The following ALPL variants were observed in gnomAD, a reference collection of about 807,000 sequenced individuals.
ALPL encodes the protein alkaline phosphatase, tissue-nonspecific isozyme.
Under a neutral mutation model 51.3 loss-of-function variants are expected in ALPL, and 42 were observed. That is an observed-to-expected ratio of 0.82 (90% confidence interval 0.64 to 1.06). The LOEUF (loss-of-function observed/expected upper bound fraction) is 1.06, where lower values mean the gene tolerates loss of function less well. ALPL is among the 50% of genes least tolerant of loss of function. The pLI is 0.00. For synonymous variants in ALPL, 279 were observed against 296.4 expected (o/e 0.94, Z 0.60); for missense variants, 589 against 709.4 (o/e 0.83, Z 1.93).
intron 8 of ALPL, among the ~76,000 whole-genome samples, chr1:21,570,743 G>T (rs1644636101): frequency 6.6e-6 from 1 of 152,220 alleles, no homozygotes; most frequent in Non-Finnish European, 1.5e-5. Flanking sequence ...CAGCTCTACT[G>T]TGTGCATGGC....
intron 8 of ALPL, among the ~76,000 whole-genome samples, chr1:21,572,851 C>A (rs1040920789): frequency 2.0e-5 from 3 of 152,178 alleles, no homozygotes; most frequent in African/African-American, 7.2e-5. Flanking sequence ...GATTCCAAAC[C>A]TTCTGCTGTT....
chr1:21,575,962 C>G, intron 10 of ALPL, 38 bp downstream of exon 10: 1 of 1,611,334 alleles, frequency 6.2e-7, no homozygotes, highest in East Asian at 2.2e-5. Flanking sequence ...CTCCTGGGGT[C>G]TCCTGTCTAC....
chr1:21,563,073 G>T, intron 4 of ALPL, 37 bp from the exon 5 acceptor site: 3 of 1,612,132 alleles, frequency 1.9e-6, no homozygotes, highest in Non-Finnish European at 2.5e-6. Flanking sequence ...TGGGGCGAAG[G>T]CCTGGCCATC....
chr1:21,562,973 G>A (rs1644505336), intron 4 of ALPL, 137 bp from the exon 5 acceptor site: 3 of 1,166,878 alleles, frequency 2.6e-6, no homozygotes, highest in Non-Finnish European at 3.8e-6. Flanking sequence ...GGGCTTCAGT[G>A]GGCAGTGGGC....
chr1:21,517,333 A>G (rs886091216), intron 1 of ALPL, among the ~76,000 whole-genome samples: 2 of 152,194 alleles, frequency 1.3e-5, no homozygotes, highest in African/African-American at 4.8e-5. Context: ...GCTCAGAGAG[A>G]TTGAGTAATG....
At chr1:21,530,928 G>A (rs1644020202) in intron 1 of ALPL, among the ~76,000 whole-genome samples, 1 of 149,940 alleles carries the variant, frequency 6.7e-6, no homozygotes, top group Non-Finnish European at 1.5e-5. Context: ...CCACAGGCGT[G>A]CACCACCACA....
At chr1:21,550,664 C>T (rs938448467) in intron 1 of ALPL, among the ~76,000 whole-genome samples, 2 of 152,112 alleles carry the variant, frequency 1.3e-5, no homozygotes, top group Non-Finnish European at 2.9e-5. Context: ...AATCATAAAC[C>T]GAACCGCACC....
intron 8 of ALPL, among the ~76,000 whole-genome samples, chr1:21,571,276 G>A (rs1397375179): frequency 2.0e-5 from 3 of 152,236 alleles, no homozygotes; most frequent in Non-Finnish European, 2.9e-5. Context: ...ATAAAATGGA[G>A]ATAGTGATGG....
chr1:21,556,148 G>T (rs185013682), intron 2 of ALPL, among the ~76,000 whole-genome samples: 4 of 152,236 alleles, frequency 2.6e-5, no homozygotes, highest in Non-Finnish European at 5.9e-5. Context: ...AGGACACTAG[G>T]GGTTCAACTA....
chr1:21,509,304 G>GCGGGGC (rs1461980975), upstream of ALPL: 1 of 148,914 alleles, frequency 6.7e-6, no homozygotes, highest in Admixed American at 6.7e-5. The surrounding 1 kb of genome is among the most constrained non-coding windows in gnomAD (Gnocchi z 6.0). Context: ...CGGGCCGGGG[G>GCGGGGC]CGGGGCCGGG....
Position 21,564,833 on chromosome 1 carries a change from C to T in ALPL, c.648+617C>T, listed in dbSNP as rs1031550467. Among the ~76,000 whole-genome samples, 20 of 152,170 alleles carry T rather than the reference C, an allele frequency of 1.3e-4. No homozygotes were observed. Among genetic ancestry groups the T allele is most frequent in the African/African-American group, 4.1e-4 (17 of 41,422 alleles). On this transcript the variant is annotated intron_variant, in intron 6 of 11. Coordinates refer to ENST00000374840, the MANE Select transcript of ALPL (RefSeq NM_000478.6). This position sits in a 1 kb window ranked among gnomAD's most constrained non-coding sequence, Gnocchi z 5.8. ...TCCCTGTGGAGCTCAGCACAGGACC[C>T]GAGGCCTAGCGAGTGCCCAGAAGGT...
At chr1:21,548,088 G>A (rs138772488) in intron 1 of ALPL, among the ~76,000 whole-genome samples, 1,535 of 152,320 alleles carry the variant, frequency 0.01, 34 homozygotes, top group African/African-American at 0.035. Context: ...CGGAGGAGCC[G>A]GGAGCCTGGC....
chr1:21,522,306 C>T (rs773327057), intron 1 of ALPL, among the ~76,000 whole-genome samples: 2 of 152,160 alleles, frequency 1.3e-5, no homozygotes, highest in African/African-American at 4.8e-5. Context: ...CATCTCCTGA[C>T]TTCATGATCC....
At chr1:21,552,535 GAGA>G (rs909078608) in intron 1 of ALPL, among the ~76,000 whole-genome samples, 13 of 151,136 alleles carry the variant, frequency 8.6e-5, no homozygotes, top group Non-Finnish European at 1.8e-4. Flanking sequence ...GAGCTGCAAA[GAGA>G]AGAATTTTTA....
chr1:21,528,170 A>C (rs909464035), intron 1 of ALPL, among the ~76,000 whole-genome samples: 7 of 150,912 alleles, frequency 4.6e-5, no homozygotes, highest in Non-Finnish European at 5.9e-5. Context: ...CAGGTGCACA[A>C]CACCACACCC....
chr1:21,512,566 G>A (rs1643710487), intron 1 of ALPL, among the ~76,000 whole-genome samples: 1 of 152,082 alleles, frequency 6.6e-6, no homozygotes, highest in African/African-American at 2.4e-5. Context: ...ACACTGGTTT[G>A]GGGGCTGGTG....
chr1:21,527,328 G>T (rs1184351369), intron 1 of ALPL, among the ~76,000 whole-genome samples: 1 of 152,016 alleles, frequency 6.6e-6, no homozygotes, highest in African/African-American at 2.4e-5. Flanking sequence ...CACCACGCCC[G>T]GCCCTTCTTG....
chr1:21,563,042 T>A (rs1644506390), intron 4 of ALPL, 68 bp from the exon 5 acceptor site: 1 of 1,589,090 alleles, frequency 6.3e-7, no homozygotes, highest in African/African-American at 1.3e-5. Flanking sequence ...ATGGTGTGAG[T>A]GTAGGCGGGG....
At chr1:21,550,437 G>A (rs551442415) in intron 1 of ALPL, among the ~76,000 whole-genome samples, 1 of 152,256 alleles carries the variant, frequency 6.6e-6, no homozygotes, top group South Asian at 2.1e-4. Flanking sequence ...CCACTGCATA[G>A]CTGATTAGTG....
Sources: allele counts gnomAD v4.1 joint callset (sites outside exome capture counted in the v4.1 genomes callset), GRCh38; gene constraint gnomAD v4.1.1; non-coding constraint Gnocchi (gnomAD v3.1); transcripts MANE v1.5; gene names NCBI Gene and HGNC (gene_info 2026-07-23, HGNC 2026-07-21).